ACTR3C: variants seen among roughly 807,000 people sequenced by gnomAD.
ACTR3C encodes actin-related protein 3C.
Under a neutral mutation model 26.3 loss-of-function variants are expected in ACTR3C, and 18 were observed. The observed-to-expected ratio is 0.68, with a 90% confidence interval of 0.47 to 1.01. ACTR3C has a LOEUF of 1.01. ACTR3C is among the 50% of genes least tolerant of loss of function. The probability of loss-of-function intolerance (pLI) is 0.00; values close to 1 mark genes in which losing one functional copy is unlikely to be tolerated. For synonymous variants in ACTR3C, 55 were observed against 94.5 expected, an observed-to-expected ratio of 0.58 and a Z score of 2.42; for missense variants, 184 against 250.7, an observed-to-expected ratio of 0.73 and a Z score of 1.80.
At chr7:149,882,229 G>C in the ACTR3C span, 1 of 152,422 alleles carries the variant, frequency 6.6e-6, no homozygotes, top group Admixed American at 6.5e-5. Context: ...GATTGGGGTG[G>C]GGGGCATGTA....
intron 6 of ACTR3C, among the ~76,000 whole-genome samples, chr7:150,255,242 A>ATTTTTTTTTTT (rs745713614): frequency 1.2e-5 from 1 of 85,598 alleles, no homozygotes; most frequent in Non-Finnish European, 2.3e-5. Flanking sequence ...TTTGTAGGGG[A>ATTTTTTTTTTT]TTTTTTTTTT....
chr7:150,047,650 G>C, the ACTR3C span: 9 of 1,036,400 alleles, frequency 8.7e-6, no homozygotes, highest in South Asian at 9.0e-5. Context: ...TACTGGAACC[G>C]GGGCCGGCCA....
chr7:150,172,834 C>A, the ACTR3C span, among the ~76,000 whole-genome samples: 1 of 150,564 alleles, frequency 6.6e-6, no homozygotes, highest in African/African-American at 2.5e-5. Flanking sequence ...GTTACAGGGC[C>A]CATGCAAGTC....
the ACTR3C span, among the ~76,000 whole-genome samples, chr7:149,982,068 C>CA: frequency 6.6e-6 from 1 of 152,084 alleles, no homozygotes; most frequent in East Asian, 1.9e-4. Context: ...ATTCTGGCAG[C>CA]AAAAAAGACT....
chr7:150,015,225 T>C, the ACTR3C span, among the ~76,000 whole-genome samples: 51,025 of 151,848 alleles, frequency 0.34, 9,371 homozygotes, highest in Non-Finnish European at 0.41. Context: ...GAACCCGCTG[T>C]CCCTGTGCTG....
At chr7:149,929,463 A>T in the ACTR3C span, among the ~76,000 whole-genome samples, 2 of 145,608 alleles carry the variant, frequency 1.4e-5, no homozygotes, top group African/African-American at 2.5e-5. Context: ...TCACCAATGG[A>T]TACTTAAACT....
At chr7:150,251,418 G>A (rs977507005) in intron 6 of ACTR3C, among the ~76,000 whole-genome samples, 7 of 152,036 alleles carry the variant, frequency 4.6e-5, no homozygotes, top group Non-Finnish European at 1.0e-4. Context: ...ATTTGAAAGA[G>A]AGTAAGATTT....
At chr7:150,085,832 G>T in the ACTR3C span, among the ~76,000 whole-genome samples, 1 of 152,122 alleles carries the variant, frequency 6.6e-6, no homozygotes, top group East Asian at 1.9e-4. Context: ...AACCAGGATT[G>T]CTGCCTCATT....
chr7:150,265,111 A>G (rs1833930203), intron 6 of ACTR3C, among the ~76,000 whole-genome samples: 1 of 152,146 alleles, frequency 6.6e-6, no homozygotes, highest in Non-Finnish European at 1.5e-5. Flanking sequence ...CAGTTTACCC[A>G]GCCAAACTGA....
At chr7:150,142,975 C>T in the ACTR3C span, among the ~76,000 whole-genome samples, 1 of 151,958 alleles carries the variant, frequency 6.6e-6, no homozygotes, top group Admixed American at 6.6e-5. Context: ...GCTAGGATTA[C>T]AGCTCACATC....
At chr7:150,088,612 C>T in the ACTR3C span, among the ~76,000 whole-genome samples, 1 of 152,130 alleles carries the variant, frequency 6.6e-6, no homozygotes, top group East Asian at 1.9e-4. Flanking sequence ...ACCTACTTTG[C>T]CTTTTTGTTA....
chr7:149,926,308 C>G, the ACTR3C span, among the ~76,000 whole-genome samples: 1 of 152,212 alleles, frequency 6.6e-6, no homozygotes, highest in Non-Finnish European at 1.5e-5. Flanking sequence ...AGACTGCTGT[C>G]TCTTAGAAAG....
intron 6 of ACTR3C, among the ~76,000 whole-genome samples, chr7:150,278,677 T>A (rs900714208): frequency 6.6e-6 from 1 of 152,246 alleles, no homozygotes; most frequent in African/African-American, 2.4e-5. Flanking sequence ...CAAGTCAATG[T>A]CCAATTTCCA....
chr7:150,041,702 C>G, the ACTR3C span, among the ~76,000 whole-genome samples: 2 of 132,780 alleles, frequency 1.5e-5, no homozygotes, highest in East Asian at 2.4e-4. Flanking sequence ...TCAGTCCCCA[C>G]CCTCGCGGGG....
the ACTR3C span, among the ~76,000 whole-genome samples, chr7:149,955,203 G>T: frequency 6.6e-6 from 1 of 152,236 alleles, no homozygotes; most frequent in Admixed American, 6.5e-5. Flanking sequence ...ACCACCATCT[G>T]CATGAGCTGC....
chr7:150,197,351 T>C, the ACTR3C span, among the ~76,000 whole-genome samples: 1 of 152,184 alleles, frequency 6.6e-6, no homozygotes, highest in Non-Finnish European at 1.5e-5. Context: ...TCCAGCTGAG[T>C]CCTTCCTATT....
At chr7:150,049,505 C>T in the ACTR3C span, among the ~76,000 whole-genome samples, 2 of 152,382 alleles carry the variant, frequency 1.3e-5, no homozygotes, top group African/African-American at 4.8e-5. Context: ...CTGCTCCTTC[C>T]GGGTTTCCAT....
chr7:150,305,214 A>G (rs1202577809), intron 1 of ACTR3C, among the ~76,000 whole-genome samples: 1 of 152,216 alleles, frequency 6.6e-6, no homozygotes, highest in African/African-American at 2.4e-5. Context: ...TCAGAGCTGC[A>G]TAAACGGGCC....
At chr7:149,997,530 A>G in the ACTR3C span, among the ~76,000 whole-genome samples, 4 of 152,234 alleles carry the variant, frequency 2.6e-5, no homozygotes, top group African/African-American at 7.2e-5. Flanking sequence ...CATTCAATCA[A>G]TATTTATTTG....
Sources: allele counts gnomAD v4.1 joint callset (sites outside exome capture counted in the v4.1 genomes callset), GRCh38; gene constraint gnomAD v4.1.1; transcripts MANE v1.5; gene names NCBI Gene and HGNC (gene_info 2026-07-23, HGNC 2026-07-21).